The following COL24A1 variants were observed in gnomAD, a reference collection of about 807,000 sequenced individuals.
COL24A1 encodes the protein collagen type XXIV alpha 1 chain.
In COL24A1, 224 loss-of-function variants were observed where a neutral mutation model predicts 253.9. The observed-to-expected ratio is 0.88, with a 90% confidence interval of 0.79 to 0.99. The LOEUF is 0.99. Ranked by LOEUF, COL24A1 falls within the 50% of genes least tolerant of loss-of-function variation. The pLI is 0.00. For missense variants in COL24A1, 2,131 were observed against 2,068.5 expected (o/e 1.03, Z -0.59); for synonymous variants, 685 against 673.7 (o/e 1.02, Z -0.26).
intron 57 of COL24A1, among the ~76,000 whole-genome samples, chr1:85,742,137 C>CTTTTT (rs67922956): frequency 7.0e-6 from 1 of 142,382 alleles, no homozygotes; most frequent in African/African-American, 2.6e-5. Context: ...TTTCTTTTTT[C>CTTTTT]TTTTTTTTTC....
intron 32 of COL24A1, among the ~76,000 whole-genome samples, chr1:85,885,397 A>ATATATTTT (rs60994639): frequency 1.0e-4 from 13 of 128,904 alleles, no homozygotes; most frequent in Middle Eastern, 4.1e-3. Context: ...ATATATATAT[A>ATATATTTT]TTTTTTTTTT....
At chr1:86,083,619 C>T (rs1209607658) in intron 7 of COL24A1, among the ~76,000 whole-genome samples, 2 of 152,126 alleles carry the variant, frequency 1.3e-5, no homozygotes, top group African/African-American at 4.8e-5. Context: ...TAAAAGGCAA[C>T]ATCACTGAGT....
At chr1:85,970,181 A>T in intron 22 of COL24A1, 46 bp downstream of exon 22, 1 of 1,487,798 alleles carries the variant, frequency 6.7e-7, no homozygotes, top group Non-Finnish European at 9.1e-7. Flanking sequence ...TAGAACAGCT[A>T]TTTTCAAGAA....
intron 43 of COL24A1, among the ~76,000 whole-genome samples, chr1:85,837,554 G>A (rs553078454): frequency 1.6e-4 from 24 of 152,220 alleles, no homozygotes; most frequent in African/African-American, 3.6e-4. Context: ...AGAACTAGAC[G>A]TTGTACAAGA....
chr1:86,124,344 C>G (rs954549215), intron 3 of COL24A1, among the ~76,000 whole-genome samples: 1 of 151,228 alleles, frequency 6.6e-6, no homozygotes, highest in African/African-American at 2.4e-5. Flanking sequence ...CGATTCATTA[C>G]ACAATAATCT....
At chr1:85,921,915 C>T (rs1003651589) in intron 24 of COL24A1, among the ~76,000 whole-genome samples, 4 of 152,252 alleles carry the variant, frequency 2.6e-5, no homozygotes, top group African/African-American at 9.6e-5. Context: ...AGCTAAAAGC[C>T]TTGAAAAATG....
chr1:85,838,692 C>G, intron 42 of COL24A1, 54 bp from the exon 43 acceptor site: 1 of 1,494,686 alleles, frequency 6.7e-7, no homozygotes, highest in Non-Finnish European at 9.3e-7. Context: ...AAAGTATATG[C>G]GAATGCAGGT....
intron 22 of COL24A1, among the ~76,000 whole-genome samples, chr1:85,969,517 AT>A (rs527302389): frequency 6.4e-4 from 92 of 143,592 alleles, no homozygotes; most frequent in African/African-American, 2.2e-3. Flanking sequence ...AGGCAGGAGA[AT>A]TGCTTGAACC....
chr1:86,022,293 C>A lies in COL24A1; in HGVS notation c.2203G>T (p.Gly735Cys). ...GGTGGTCCTGGTAAACCAACAGCAC[C>A]CTAAGAGAAGAGAATAACAGAAGAG... Reference protein sequence around the residue: ...LGEPGYPGDKGAVGLPGPPGM... With the variant: ...LGEPGYPGDKCAVGLPGPPGM... Residue 735 changes from glycine to cysteine, a missense_variant and splice_region_variant, in exon 18 of 60, where the codon GGT becomes TGT. Coordinates refer to ENST00000370571, the MANE Select transcript of COL24A1 (RefSeq NM_152890.7). 1 of 1,572,716 alleles carries A rather than the reference C, an allele frequency of 6.4e-7. No homozygotes were observed. The highest frequency in any genetic ancestry group is 8.6e-7 in the Non-Finnish European group (1 of 1,167,470).
intron 19 of COL24A1, among the ~76,000 whole-genome samples, chr1:85,997,925 T>C (rs1695011776): frequency 6.6e-6 from 1 of 152,174 alleles, no homozygotes; most frequent in African/African-American, 2.4e-5. Flanking sequence ...CCACTTTTTC[T>C]ACAGTGTGTT....
intron 37 of COL24A1, among the ~76,000 whole-genome samples, chr1:85,856,277 G>A (rs1678431930): frequency 1.3e-5 from 2 of 152,242 alleles, no homozygotes. Context: ...TAGGTGTGAT[G>A]TTATGCTGTT....
chr1:85,779,889 T>C (rs1292784140), intron 52 of COL24A1, among the ~76,000 whole-genome samples: 10 of 152,146 alleles, frequency 6.6e-5, no homozygotes, highest in Non-Finnish European at 1.5e-5. Context: ...AAATTGAATA[T>C]GGAAAAATTG....
At chr1:85,817,001 G>T in intron 46 of COL24A1, 106 bp from the exon 47 acceptor site, 1 of 815,022 alleles carries the variant, frequency 1.2e-6, no homozygotes, top group Non-Finnish European at 1.9e-6. Flanking sequence ...TTTATATTTT[G>T]TTCTAGGACA....
chr1:85,917,910 G>A (rs560078436), intron 24 of COL24A1, among the ~76,000 whole-genome samples: 22 of 152,234 alleles, frequency 1.4e-4, no homozygotes, highest in African/African-American at 5.1e-4. Flanking sequence ...GTTCCACCAT[G>A]TTGGCCAAGC....
chr1:85,963,528 C>T (rs184129713), intron 23 of COL24A1, among the ~76,000 whole-genome samples: 160 of 152,036 alleles, frequency 1.1e-3, no homozygotes, highest in Non-Finnish European at 1.0e-3. Flanking sequence ...TTGTCTTTGA[C>T]GACAATGAAA....
At chr1:85,982,669 C>T (rs1026029618) in intron 20 of COL24A1, among the ~76,000 whole-genome samples, 1 of 151,986 alleles carries the variant, frequency 6.6e-6, no homozygotes, top group South Asian at 2.1e-4. Context: ...CTCCCTCCTA[C>T]TCACTTATCA....
intron 24 of COL24A1, among the ~76,000 whole-genome samples, chr1:85,922,215 G>A (rs764721991): frequency 6.6e-6 from 1 of 152,192 alleles, no homozygotes; most frequent in Non-Finnish European, 1.5e-5. Context: ...AAGTGATGGG[G>A]AGAATGGAAC....
intron 31 of COL24A1, 55 bp downstream of exon 31, chr1:85,895,803 T>A: frequency 7.0e-7 from 1 of 1,438,814 alleles, no homozygotes; most frequent in Non-Finnish European, 9.6e-7. Context: ...GCAGCCCCTT[T>A]CCCCCAAAAA....
intron 9 of COL24A1, among the ~76,000 whole-genome samples, chr1:86,058,589 T>TTGTTCTATTATTAATCTACATGAAG (rs1700830594): frequency 6.6e-6 from 1 of 151,580 alleles, no homozygotes; most frequent in East Asian, 1.9e-4. Context: ...GAAAGAAAGC[T>TTGTTCTATTATTAATCTACATGAAG]TGTTCTATTA....
Sources: allele counts gnomAD v4.1 joint callset (sites outside exome capture counted in the v4.1 genomes callset), GRCh38; gene constraint gnomAD v4.1.1; transcripts MANE v1.5; gene names NCBI Gene and HGNC (gene_info 2026-07-23, HGNC 2026-07-21).